The following IFT57 variants were observed in gnomAD, a reference collection of about 807,000 sequenced individuals.
IFT57 encodes intraflagellar transport protein 57 homolog.
IFT57 carries 59 observed loss-of-function variants against 56.8 expected under a neutral mutation model. The observed-to-expected ratio is 1.04, with a 90% CI of 0.84 to 1.29. IFT57 has a LOEUF of 1.29. Ranked by LOEUF, IFT57 falls within the 50% of genes most tolerant of loss-of-function variation. IFT57 has a pLI of 0.00. For synonymous variants in IFT57, 209 were observed against 186.1 expected (o/e 1.12, Z -1.00); for missense variants, 470 against 522.1 (o/e 0.90, Z 0.97).
At chr3:108,173,997 A>AGTGT (rs34537693) in intron 6 of IFT57, among the ~76,000 whole-genome samples, 5 of 100,708 alleles carry the variant, frequency 5.0e-5, no homozygotes, top group East Asian at 2.4e-4. Flanking sequence ...CATATATTTG[A>AGTGT]GTGTGTGTGT....
intron 5 of IFT57, among the ~76,000 whole-genome samples, chr3:108,199,212 T>C (rs1296049033): frequency 6.6e-6 from 1 of 152,214 alleles, no homozygotes; most frequent in African/African-American, 2.4e-5. Context: ...CATATTTTAC[T>C]TTAAAAAAGA....
chr3:108,189,273 A>G (rs2080201938), intron 6 of IFT57, among the ~76,000 whole-genome samples: 1 of 152,186 alleles, frequency 6.6e-6, no homozygotes. Flanking sequence ...CTTACATTGA[A>G]TAGAATTTGT....
rs187686693 is a variant in IFT57, at chr3:108,193,450, T to C, written c.655-1807A>G. ...GAGAATGGATAACTAATACATGTTT[T>C]TACACTGTATAATATGTGGTCTGAA... On this transcript the variant is annotated intron_variant, in intron 5 of 10. Transcript: ENST00000264538. Among the ~76,000 whole-genome samples, 168 of 152,326 alleles carry C rather than the reference T, an allele frequency of 1.1e-3. 1 individual carries two copies. Among genetic ancestry groups the C allele is most frequent in the African/African-American group, 4.0e-3 (166 of 41,580 alleles).
intron 6 of IFT57, among the ~76,000 whole-genome samples, chr3:108,178,012 A>G (rs777406149): frequency 2.6e-5 from 4 of 151,814 alleles, no homozygotes; most frequent in Non-Finnish European, 5.9e-5. Context: ...GATATACATA[A>G]AAAATTGTAT....
At position 108,167,819 on chromosome 3, in the gene IFT57, T is replaced by C; in HGVS notation, c.823A>G (p.Ile275Val). ...VDQMHQHRSG[I>V]ESALKETKGF... Reference sequence around the variant, plus strand: ...TTGGTCTCCTTTAGAGCAGATTCAATTCCACTTCTGTGCTGGTGCATTTGG... The same window carrying C: ...TTGGTCTCCTTTAGAGCAGATTCAACTCCACTTCTGTGCTGGTGCATTTGG... The change falls in exon 7 of 11, where the codon ATT becomes GTT. Residue 275 changes from isoleucine (I) to valine (V), a missense_variant. Ile to Val is a conservative substitution (Grantham distance 29, BLOSUM62 3). Transcript: ENST00000264538. 6.3e-7 allele frequency: 1 copy of C among 1,591,980 alleles called. No homozygotes were observed. The highest frequency in any genetic ancestry group is 8.5e-7 in the Non-Finnish European group (1 of 1,169,790).
chr3:108,218,072 G>C (rs1373054478), intron 3 of IFT57, among the ~76,000 whole-genome samples: 3 of 151,902 alleles, frequency 2.0e-5, no homozygotes, highest in Non-Finnish European at 2.9e-5. Flanking sequence ...ATGTCTAGGA[G>C]AGTGTCAGGT....
intron 4 of IFT57, among the ~76,000 whole-genome samples, chr3:108,209,001 G>A (rs2080328713): frequency 6.6e-6 from 1 of 152,160 alleles, no homozygotes; most frequent in Non-Finnish European, 1.5e-5. Context: ...ATAAAGGTCT[G>A]AGTCACCCCA....
intron 4 of IFT57, among the ~76,000 whole-genome samples, chr3:108,211,164 G>A (rs564870293): frequency 1.3e-5 from 2 of 152,278 alleles, no homozygotes; most frequent in African/African-American, 2.4e-5. Flanking sequence ...TTTTCCTCCT[G>A]ACTAGTGGGT....
chr3:108,187,198 T>C (rs999751310), intron 6 of IFT57, among the ~76,000 whole-genome samples: 9 of 152,224 alleles, frequency 5.9e-5, no homozygotes, highest in African/African-American at 1.4e-4. Context: ...TATCTTCAGC[T>C]GTGAAGCATA....
chr3:108,183,669 TTGC>T (rs1311845884), intron 6 of IFT57, among the ~76,000 whole-genome samples: 2 of 152,160 alleles, frequency 1.3e-5, no homozygotes, highest in African/African-American at 4.8e-5. Flanking sequence ...GCTGACACCC[TTGC>T]TATACAGTAA....
chr3:108,213,245 C>T (rs1034259434), intron 4 of IFT57, among the ~76,000 whole-genome samples: 1 of 151,996 alleles, frequency 6.6e-6, no homozygotes, highest in Admixed American at 6.5e-5. Flanking sequence ...GTGTGGGGGC[C>T]GATGCCCATA....
chr3:108,207,878 C>T (rs1038909522), intron 4 of IFT57, among the ~76,000 whole-genome samples: 2 of 151,962 alleles, frequency 1.3e-5, no homozygotes, highest in African/African-American at 2.4e-5. Context: ...CCTGTCTCTA[C>T]TAAAAATACA....
intron 5 of IFT57, 94 bp downstream of exon 5, chr3:108,206,534 A>G: frequency 4.0e-6 from 2 of 501,920 alleles, no homozygotes; most frequent in Non-Finnish European, 7.0e-6. Flanking sequence ...AGCATACAAA[A>G]CAATGGCCAA....
At chr3:108,216,599 C>G (rs1266837901) in intron 3 of IFT57, among the ~76,000 whole-genome samples, 1 of 152,214 alleles carries the variant, frequency 6.6e-6, no homozygotes, top group Non-Finnish European at 1.5e-5. Context: ...AATAGCACTA[C>G]TCTATTATCC....
intron 1 of IFT57, among the ~76,000 whole-genome samples, chr3:108,220,915 T>C (rs141756614): frequency 6.6e-6 from 1 of 152,194 alleles, no homozygotes; most frequent in Admixed American, 6.5e-5. Context: ...GTGCAAGAGA[T>C]GACATCAACA....
intron 5 of IFT57, among the ~76,000 whole-genome samples, chr3:108,193,183 A>G (rs1297836942): frequency 6.6e-6 from 1 of 152,232 alleles, no homozygotes; most frequent in African/African-American, 2.4e-5. Flanking sequence ...TAGTCTTTCC[A>G]ATCAGATGTA....
chr3:108,221,291 G>A (rs1414344993), intron 1 of IFT57, among the ~76,000 whole-genome samples: 2 of 152,186 alleles, frequency 1.3e-5, no homozygotes, highest in Non-Finnish European at 2.9e-5. Flanking sequence ...ATATACAAAT[G>A]TAAGTATTAA....
intron 6 of IFT57, among the ~76,000 whole-genome samples, chr3:108,178,064 A>G (rs1274542740): frequency 6.6e-6 from 1 of 151,918 alleles, no homozygotes; most frequent in Non-Finnish European, 1.5e-5. Flanking sequence ...TATATTTAAA[A>G]GAAACCATTT....
intron 5 of IFT57, among the ~76,000 whole-genome samples, chr3:108,195,965 A>G (rs947795638): frequency 1.1e-4 from 17 of 152,288 alleles, no homozygotes; most frequent in Non-Finnish European, 2.4e-4. Context: ...AATGTATTAT[A>G]TATTTCAAAA....
Sources: allele counts gnomAD v4.1 joint callset (sites outside exome capture counted in the v4.1 genomes callset), GRCh38; gene constraint gnomAD v4.1.1; transcripts MANE v1.5; gene names NCBI Gene and HGNC (gene_info 2026-07-23, HGNC 2026-07-21).